Variants in ZNF263 observed in about 807,000 individuals in gnomAD.
ZNF263 encodes the protein zinc finger protein FPM315.
Under a neutral mutation model 63.1 loss-of-function variants are expected in ZNF263, and 49 were observed. The observed-to-expected ratio is 0.78, with a 90% CI of 0.62 to 0.99. ZNF263 has a LOEUF of 0.99. Ranked by LOEUF, ZNF263 falls within the 50% of genes least tolerant of loss-of-function variation. The pLI is 0.00. For missense variants in ZNF263, 872 were observed against 854.8 expected (o/e 1.02, Z -0.25); for synonymous variants, 352 against 324.2 (o/e 1.09, Z -0.92).
At chr16:3,292,132 T>C (rs1023821816), downstream of ZNF263, among the ~76,000 whole-genome samples, 4 of 151,680 alleles carry the variant, frequency 2.6e-5, no homozygotes, top group African/African-American at 9.7e-5. Context: ...ATTCTAAGAG[T>C]AGGAAATCGG....
At position 3,289,919 on chromosome 16, in the gene ZNF263, C is replaced by T; in HGVS notation, c.1413C>T (p.Phe471=). The part of the protein sequence containing the change: ...PYQCNICGKC[F]SCNSNLHRHQ... ...AGTGCAACATTTGCGGAAAATGTTT[C>T]TCCTGCAACTCCAACCTCCACAGGC... Residue 471 remains phenylalanine, a synonymous_variant, in exon 6 of 6, where the codon TTC becomes TTT. Coordinates refer to ENST00000219069, the MANE Select transcript of ZNF263 (RefSeq NM_005741.5). The T allele has an allele frequency of 6.2e-7, 1 of 1,614,158 alleles. No individual in the cohort carries two copies. Among genetic ancestry groups the T allele is most frequent in the Non-Finnish European group, 8.5e-7 (1 of 1,180,034 alleles).
Position 3,285,083 on chromosome 16 carries a change from G to A in ZNF263, c.412G>A (p.Glu138Lys), listed in dbSNP as rs1959293938. 3 of 1,614,204 alleles carry A rather than the reference G, an allele frequency of 1.9e-6. No homozygotes were observed. The highest frequency in any genetic ancestry group is 2.5e-6 in the Non-Finnish European group (3 of 1,180,048). ...QQVTNHGRGT[E>K]VLLEEPLPLE... is the part of the protein sequence containing the mutation. ...GGTCACAAACCATGGGCGGGGAACA[G>A]AAGTGCTTTTGGAGGAGCCTTTGCC... The change falls in exon 2 of 6, where the codon GAA becomes AAA. Residue 138 changes from glutamate to lysine, a missense_variant. Transcript: ENST00000219069.
chr16:3,299,269 C>T, intron 2 of ZNF263: 1 of 1,610,910 alleles, frequency 6.2e-7, no homozygotes, highest in Non-Finnish European at 8.5e-7. Context: ...TTTTAGGAGA[C>T]AACCCTTTTC....
Position 3,283,932 on chromosome 16 carries a change from G to A in ZNF263, c.114G>A (p.Glu38=), listed in dbSNP as rs756887463. The A allele has an allele frequency of 6.2e-7, 1 of 1,613,768 alleles. No homozygotes were observed. The highest frequency in any genetic ancestry group is 1.1e-5 in the South Asian group (1 of 91,080). Residue 38 remains glutamate (E), a synonymous_variant, in exon 1 of 6, where the codon GAG becomes GAA. Coordinates refer to ENST00000219069, the MANE Select transcript of ZNF263 (RefSeq NM_005741.5). ...LPPPDPGPSP[E]ASHLRFRRFR... ...CACCTGACCCAGGACCGAGCCCCGA[G>A]GCCTCCCACTTGCGCTTCAGACGGT...
chr16:3,285,939 C>T, intron 3 of ZNF263, 84 bp from the exon 4 acceptor site: 1 of 1,608,942 alleles, frequency 6.2e-7, no homozygotes, highest in Non-Finnish European at 8.5e-7. Context: ...CTTGGCATCC[C>T]TGGATTTTGC....
rs1959511675 is a variant in ZNF263 at position 3,289,442 on chromosome 16, G to C, written c.936G>C (p.Glu312Asp). Residue 312 changes from glutamate (E) to aspartate (D), a missense_variant, in exon 6 of 6, where the codon GAG becomes GAC. Physicochemically the swap from Glu to Asp is conservative, Grantham distance 45 (BLOSUM62 2). Transcript: ENST00000219069. ...AAGGTGTTCCGTCTGTATGCTCTGA[G>C]AACATCCACCCTCAGGTGCTGCTTC... ...NLEGVPSVCS[E>D]NIHPQVLLPD... 1 of 1,525,438 alleles carries C rather than the reference G, an allele frequency of 6.6e-7. No individual in the cohort carries two copies. Among genetic ancestry groups the C allele is most frequent in the Non-Finnish European group, 8.8e-7 (1 of 1,139,956 alleles). The allele number at this position is 1,525,438 out of a possible 1,614,324, so 94.5% of individuals were successfully genotyped here. A position where few individuals can be genotyped will look rare whatever the true frequency, so the allele number is the denominator to read the frequency against.
chr16:3,284,996 T>G (rs544227229), intron 1 of ZNF263, 63 bp from the exon 2 acceptor site: 1 of 1,588,888 alleles, frequency 6.3e-7, no homozygotes, highest in South Asian at 1.1e-5. Flanking sequence ...CTCAGTATCC[T>G]ATACTAATTT....
chr16:3,283,780 A>T lies in ZNF263; in HGVS notation c.-39A>T. ...GTTCAGGGCGCCTTCGTAGGCGGGC[A>T]CGGCTGGTTTCGGGCTAAGGCGCTC... On this transcript the variant is annotated 5_prime_UTR_variant, in exon 1 of 6. Transcript: ENST00000219069. 1 of 1,502,178 alleles carries T rather than the reference A, an allele frequency of 6.7e-7. No homozygotes were observed. Among genetic ancestry groups the T allele is most frequent in the South Asian group, 1.3e-5 (1 of 76,668 alleles). 93.1% of individuals were successfully genotyped at this position (1,502,178 alleles called of 1,614,324 possible). A position where few individuals can be genotyped will look rare whatever the true frequency, so the allele number is the denominator to read the frequency against.
At chr16:3,300,286 A>G (rs1158905444) in intron 2 of ZNF263, 2 of 1,614,074 alleles carry the variant, frequency 1.2e-6, no homozygotes, top group Non-Finnish European at 8.5e-7. Flanking sequence ...ACACCGTGCA[A>G]ATCTCTCTGC....
At chr16:3,285,535 A>G (rs746459245) in intron 2 of ZNF263, 146 bp from the exon 3 acceptor site, 24 of 802,644 alleles carry the variant, frequency 3.0e-5, no homozygotes, top group Non-Finnish European at 2.9e-5. Context: ...GTCATTTTGG[A>G]TATCAGCTGA....
In ZNF263 at chr16:3,291,100, G is replaced by A. The variant is rs886680584; in HGVS notation, c.*542G>A. The A allele has an allele frequency of 5.1e-6, 5 of 988,390 alleles. No individual in the cohort carries two copies. Among genetic ancestry groups the A allele is most frequent in the African/African-American group, 1.7e-5 (1 of 57,250 alleles). The allele number at this position is 988,390 out of a possible 1,614,324, so 61.2% of individuals were successfully genotyped here. On this transcript the variant is annotated 3_prime_UTR_variant, in exon 6 of 6. Transcript: ENST00000219069. ...TGGGCAGTCCAGATCAAGCCACCAC[G>A]TGCCCTACGATGGCCTAACAGGAGT...
chr16:3,284,341 A>G, intron 1 of ZNF263, 136 bp downstream of exon 1: 1 of 1,339,886 alleles, frequency 7.5e-7, no homozygotes, highest in Non-Finnish European at 9.6e-7. Flanking sequence ...TTTAACCTGG[A>G]ACACTCATCC....
chr16:3,298,189 T>C (rs1959817749), intron 1 of ZNF263, among the ~76,000 whole-genome samples: 1 of 152,248 alleles, frequency 6.6e-6, no homozygotes, highest in South Asian at 2.1e-4. Flanking sequence ...GTTAAAAGCC[T>C]GAGCTTTGGC....
In ZNF263 at chr16:3,290,316, A is replaced by G. The variant is rs201180719; in HGVS notation, c.1810A>G (p.Lys604Glu). ...QRTHTGEKPY[K>E]CTLCGENFSH... The stretch of plus-strand genomic sequence containing the variant: ...AACACACACAGGAGAGAAACCGTAT[A>G]AATGTACCCTTTGTGGGGAAAACTT... The change falls in exon 6 of 6, where the codon AAA becomes GAA. Residue 604 changes from lysine (K) to glutamate (E), a missense_variant. Lys to Glu is a moderately conservative substitution (Grantham distance 56). Transcript: ENST00000219069. The G allele has an allele frequency of 2.3e-5, 37 of 1,613,998 alleles. No individual in the cohort carries two copies. In the East Asian group the frequency reaches 7.6e-4, roughly 33 times the overall value.
rs780345216 is a variant in ZNF263 at position 3,290,055 on chromosome 16, C to T, written c.1549C>T (p.Pro517Ser). 2.5e-6 allele frequency: 4 copies of T among 1,614,200 alleles called. No homozygotes were observed. Among genetic ancestry groups the T allele is most frequent in the Non-Finnish European group, 2.5e-6 (3 of 1,180,040 alleles). Reference protein sequence around the residue: ...RHQRIHTGERPYKCPECGKSF... With the variant: ...RHQRIHTGERSYKCPECGKSF... ...CCAGAGAATTCACACTGGAGAGCGACCTTATAAGTGTCCCGAGTGTGGGAA... is the reference window on the plus strand; with the variant it reads ...CCAGAGAATTCACACTGGAGAGCGATCTTATAAGTGTCCCGAGTGTGGGAA... The change falls in exon 6 of 6, where the codon CCT becomes TCT. Residue 517 changes from proline (P) to serine (S), a missense_variant. Transcript: ENST00000219069.
At chr16:3,285,999 A>G (rs370465922) in intron 3 of ZNF263, 24 bp from the exon 4 acceptor site, 233 of 1,613,844 alleles carry the variant, frequency 1.4e-4, no homozygotes, top group Non-Finnish European at 1.8e-4. Context: ...ATCAGGGGCT[A>G]AAGGAGATCT....
At chr16:3,297,456 CTTTTTTTTTTTTTTTT>C (rs1168352573) in intron 1 of ZNF263, among the ~76,000 whole-genome samples, 2 of 76,444 alleles carry the variant, frequency 2.6e-5, no homozygotes, top group Non-Finnish European at 4.9e-5. Flanking sequence ...GAAACAGATT[CTTTTTTTTTTTTTTTT>C]TTTTTTTTTT....
chr16:3,283,935 C>T lies in ZNF263; in HGVS notation c.117C>T (p.Ala39=). 2 of 1,613,856 alleles carry T rather than the reference C, an allele frequency of 1.2e-6. No homozygotes were observed. The highest frequency in any genetic ancestry group is 1.7e-6 in the Non-Finnish European group (2 of 1,179,992). Residue 39 remains alanine (A), a synonymous_variant, in exon 1 of 6, where the codon GCC becomes GCT. Coordinates refer to ENST00000219069, the MANE Select transcript of ZNF263 (RefSeq NM_005741.5). ...CTGACCCAGGACCGAGCCCCGAGGCCTCCCACTTGCGCTTCAGACGGTTCC... is the reference window on the plus strand; with the variant it reads ...CTGACCCAGGACCGAGCCCCGAGGCTTCCCACTTGCGCTTCAGACGGTTCC... ...PPPDPGPSPE[A]SHLRFRRFRF...
Position 3,284,177 on chromosome 16 carries a change from A to C in ZNF263, c.359A>C (p.Gln120Pro), listed in dbSNP as rs1177751620. The change falls in exon 1 of 6, where the codon CAG becomes CCG. Residue 120 changes from glutamine to proline, a missense_variant. Physicochemically the swap from Gln to Pro is moderately conservative, Grantham distance 76. Coordinates refer to ENST00000219069, the MANE Select transcript of ZNF263 (RefSeq NM_005741.5). ...GCGGTGACCCTTGTGGAGGATATGC[A>C]GAGAGAGCTTGGGAGACTGAGACAA... ...EEAVTLVEDM[Q>P]RELGRLRQQV... 1 of 1,564,106 alleles carries C rather than the reference A, an allele frequency of 6.4e-7. No homozygotes were observed. The highest frequency in any genetic ancestry group is 1.9e-5 in the Admixed American group (1 of 53,204).
Sources: allele counts gnomAD v4.1 joint callset (sites outside exome capture counted in the v4.1 genomes callset), GRCh38; gene constraint gnomAD v4.1.1; transcripts MANE v1.5; gene names NCBI Gene and HGNC (gene_info 2026-07-23, HGNC 2026-07-21).